The following LYPD6B variants were observed in gnomAD, a reference collection of about 807,000 sequenced individuals.
LYPD6B encodes the protein ly6/PLAUR domain-containing protein 6B.
In LYPD6B, 17 loss-of-function variants were observed where a neutral mutation model predicts 22.8. The ratio of observed to expected loss-of-function variants is 0.75; its 90% CI spans 0.51 to 1.12. LYPD6B has a LOEUF of 1.12. Ranked by LOEUF, LYPD6B falls within the 50% of genes most tolerant of loss-of-function variation. LYPD6B has a pLI of 0.00. For missense variants in LYPD6B, 221 were observed against 258.3 expected (o/e 0.86, Z 0.99); for synonymous variants, 106 against 91.6 (o/e 1.16, Z -0.90).
At chr2:149,063,097 C>T (rs1684167289) in intron 1 of LYPD6B, among the ~76,000 whole-genome samples, 2 of 152,170 alleles carry the variant, frequency 1.3e-5, no homozygotes, top group South Asian at 4.1e-4. Flanking sequence ...TGGCAAGATG[C>T]AGACATTAGA....
At chr2:149,057,356 A>C (rs1683851237) in intron 1 of LYPD6B, among the ~76,000 whole-genome samples, 1 of 151,940 alleles carries the variant, frequency 6.6e-6, no homozygotes, top group Non-Finnish European at 1.5e-5. Flanking sequence ...AATAAATACA[A>C]AGTTCTAGTC....
At chr2:149,118,040 G>A (rs1204462083) in intron 1 of LYPD6B, 1 of 152,154 alleles carries the variant, frequency 6.6e-6, no homozygotes. Flanking sequence ...TCATGATGTG[G>A]TGCTTGGCTT....
chr2:149,140,699 C>G (rs1421138542), intron 2 of LYPD6B, among the ~76,000 whole-genome samples: 1 of 152,154 alleles, frequency 6.6e-6, no homozygotes, highest in Non-Finnish European at 1.5e-5. Flanking sequence ...GAAGGTTTTC[C>G]CTCACTTTTA....
chr2:149,105,276 G>A (rs953164600), intron 1 of LYPD6B, among the ~76,000 whole-genome samples: 3 of 152,022 alleles, frequency 2.0e-5, no homozygotes, highest in African/African-American at 7.2e-5. Context: ...TGGTTGATTT[G>A]GCTATTCTGG....
Position 149,175,061 on chromosome 2 carries a change from C to CTCTCTCTGTGTGTG in LYPD6B, c.77+14227_77+14228insCTCTCTGTGTGTGT, listed in dbSNP as rs1454802925. 6.0e-4 allele frequency among the ~76,000 whole-genome samples: 68 copies of CTCTCTCTGTGTGTG among 113,064 alleles called. 1 individual carries two copies. The highest frequency in any genetic ancestry group is 1.9e-3 in the South Asian group (5 of 2,648). 74.2% of individuals were successfully genotyped at this position (113,064 alleles called of 152,430 possible). The stretch of plus-strand genomic sequence containing the variant: ...TCTCTCTCTCTCTCTCTCTCTCTCT[C>CTCTCTCTGTGTGTG]TGTGTGTGTGTGTGTGTGTGTGTGT... On this transcript the variant is annotated intron_variant, in intron 3 of 6. Coordinates refer to ENST00000409642, the MANE Select transcript of LYPD6B (RefSeq NM_177964.5).
chr2:149,093,686 G>A (rs79663899), intron 1 of LYPD6B, among the ~76,000 whole-genome samples: 3,231 of 152,180 alleles, frequency 0.021, 127 homozygotes, highest in African/African-American at 0.074. Context: ...ACCTGTGATC[G>A]TTAGAAACAA....
intron 1 of LYPD6B, among the ~76,000 whole-genome samples, chr2:149,048,977 C>T (rs901010437): frequency 4.6e-5 from 7 of 152,140 alleles, no homozygotes; most frequent in East Asian, 1.9e-4. Context: ...GTATGGATAT[C>T]GTTTATAAGC....
chr2:149,140,624 ATC>A (rs1688637944), intron 2 of LYPD6B, among the ~76,000 whole-genome samples: 5 of 152,186 alleles, frequency 3.3e-5, no homozygotes, highest in Admixed American at 3.3e-4. Context: ...CTTTAAGCTT[ATC>A]CTTGCATTTA....
chr2:149,102,901 A>C (rs1409064175), intron 1 of LYPD6B, among the ~76,000 whole-genome samples: 1 of 152,144 alleles, frequency 6.6e-6, no homozygotes, highest in Non-Finnish European at 1.5e-5. Context: ...AAAACCCACC[A>C]TGCCCAGCCA....
intron 3 of LYPD6B, among the ~76,000 whole-genome samples, chr2:149,161,785 G>A (rs1464721729): frequency 6.6e-6 from 1 of 152,122 alleles, no homozygotes; most frequent in Non-Finnish European, 1.5e-5. Context: ...CCTGTTTCTT[G>A]CCTAAAGAGC....
intron 5 of LYPD6B, among the ~76,000 whole-genome samples, chr2:149,211,833 T>C (rs1159844926): frequency 6.6e-6 from 1 of 152,126 alleles, no homozygotes; most frequent in Non-Finnish European, 1.5e-5. Context: ...AACCAAAGAA[T>C]AATGTCCTAG....
At chr2:149,186,816 G>A (rs1692138552) in intron 3 of LYPD6B, among the ~76,000 whole-genome samples, 2 of 152,300 alleles carry the variant, frequency 1.3e-5, no homozygotes, top group South Asian at 4.1e-4. Flanking sequence ...TTTGAAAAAT[G>A]TTCTATGGGT....
intron 1 of LYPD6B, among the ~76,000 whole-genome samples, chr2:149,101,917 CTTTCAGTCCCATTCATTAGT>C (rs1220503926): frequency 1.3e-5 from 2 of 152,156 alleles, no homozygotes; most frequent in Non-Finnish European, 2.9e-5. Flanking sequence ...TTTTAAAACT[CTTTCAGTCCCATTCATTAGT>C]TAAGAAGAAA....
intron 3 of LYPD6B, among the ~76,000 whole-genome samples, chr2:149,201,240 T>A (rs1331732550): frequency 6.6e-6 from 1 of 152,214 alleles, no homozygotes; most frequent in Non-Finnish European, 1.5e-5. Flanking sequence ...TCTAGACACA[T>A]AATTTTGCAA....
At chr2:149,104,398 AT>A (rs1184790880) in intron 1 of LYPD6B, among the ~76,000 whole-genome samples, 1 of 152,192 alleles carries the variant, frequency 6.6e-6, no homozygotes, top group Non-Finnish European at 1.5e-5. Flanking sequence ...AACACCCAGT[AT>A]GTTAGCTATT....
chr2:149,071,816 C>G lies in LYPD6B; in HGVS notation c.-67+33015C>G, dbSNP rs574277796. On this transcript the variant is annotated intron_variant, in intron 1 of 6. Transcript: ENST00000409642. ...AAGGAAAACTTCAAGGACAAGGTCT[C>G]TCAGTCCAGATTTTAAAGATTGGGA... 9.7e-4 allele frequency among the ~76,000 whole-genome samples: 147 copies of G among 152,276 alleles called. 5 individuals are homozygous for G. The South Asian group carries it at 0.03, about 31-fold the overall frequency.
At chr2:149,175,434 G>A (rs1691224023) in intron 3 of LYPD6B, among the ~76,000 whole-genome samples, 1 of 152,124 alleles carries the variant, frequency 6.6e-6, no homozygotes, top group Admixed American at 6.5e-5. Context: ...AAGTTGCTCT[G>A]GGTGAGTGAG....
At chr2:149,156,459 G>A (rs1278888463) in intron 2 of LYPD6B, among the ~76,000 whole-genome samples, 3 of 152,206 alleles carry the variant, frequency 2.0e-5, no homozygotes, top group African/African-American at 2.4e-5. Context: ...AAGCACCACA[G>A]ATGATGTGGC....
At chr2:149,157,625 T>C (rs893503500) in intron 2 of LYPD6B, among the ~76,000 whole-genome samples, 1 of 152,226 alleles carries the variant, frequency 6.6e-6, no homozygotes, top group Non-Finnish European at 1.5e-5. Flanking sequence ...CTGTGCCAGC[T>C]TTGTGAACTC....
Sources: allele counts gnomAD v4.1 joint callset (sites outside exome capture counted in the v4.1 genomes callset), GRCh38; gene constraint gnomAD v4.1.1; transcripts MANE v1.5; gene names NCBI Gene and HGNC (gene_info 2026-07-23, HGNC 2026-07-21).